DNAH14: variants seen among roughly 807,000 people sequenced by gnomAD.
DNAH14 encodes dynein axonemal heavy chain 14.
Under a neutral mutation model 520.9 loss-of-function variants are expected in DNAH14, and 478 were observed. The ratio of observed to expected loss-of-function variants is 0.92; its 90% CI spans 0.85 to 0.99. The LOEUF is 0.99. Among genes scored for constraint, DNAH14 ranks in the 50% least tolerant of loss-of-function variants. The pLI, the probability that DNAH14 is intolerant of heterozygous loss-of-function variation, is 0.00. For missense variants in DNAH14, 4,831 were observed against 5,234.5 expected (o/e 0.92, Z 2.38); for synonymous variants, 1,581 against 1,757.2 (o/e 0.90, Z 2.51).
At chr1:225,270,333 GA>G (rs2093278587) in intron 49 of DNAH14, among the ~76,000 whole-genome samples, 2 of 121,026 alleles carry the variant, frequency 1.7e-5, no homozygotes, top group Non-Finnish European at 3.4e-5. Flanking sequence ...GGGGTGGGGG[GA>G]GGGGGGAGGG....
At chr1:225,318,465 A>G (rs934745857) in intron 60 of DNAH14, 118 bp from the exon 61 acceptor site, 2 of 900,140 alleles carry the variant, frequency 2.2e-6, no homozygotes, top group Non-Finnish European at 1.6e-6. Context: ...TAAAAGATGC[A>G]TAACTTATGG....
chr1:225,145,163 C>T (rs1030010213), intron 29 of DNAH14, among the ~76,000 whole-genome samples, 163 bp from the exon 30 acceptor site: 1 of 152,094 alleles, frequency 6.6e-6, no homozygotes, highest in Non-Finnish European at 1.5e-5. Flanking sequence ...TACATTTATA[C>T]TATTATATTG....
chr1:225,349,929 A>G (rs1003934879), intron 71 of DNAH14, among the ~76,000 whole-genome samples: 1 of 152,190 alleles, frequency 6.6e-6, no homozygotes, highest in African/African-American at 2.4e-5. Flanking sequence ...GGACTTGCAC[A>G]ACACTATAGA....
chr1:225,366,832 T>C (rs1483063850), intron 76 of DNAH14, among the ~76,000 whole-genome samples: 1 of 151,952 alleles, frequency 6.6e-6, no homozygotes, highest in Non-Finnish European at 1.5e-5. Context: ...TTTGTTTACA[T>C]TCCAAAGCAA....
At chr1:225,129,350 G>A (rs549543591) in intron 27 of DNAH14, among the ~76,000 whole-genome samples, 12,255 of 151,486 alleles carry the variant, frequency 0.081, 1,546 homozygotes, top group African/African-American at 0.28. Flanking sequence ...AAAAGAGCCC[G>A]CATCACCAAG....
chr1:225,363,714 T>G (rs1366991326), intron 75 of DNAH14, among the ~76,000 whole-genome samples: 1 of 151,928 alleles, frequency 6.6e-6, no homozygotes, highest in Non-Finnish European at 1.5e-5. Flanking sequence ...GGTGCAGTAT[T>G]TGCCTATAAT....
chr1:225,252,547 G>A, intron 44 of DNAH14, 130 bp downstream of exon 44: 1 of 561,480 alleles, frequency 1.8e-6, no homozygotes, highest in Non-Finnish European at 3.1e-6. Flanking sequence ...ATATGTTTGT[G>A]TAGAGACCAG....
At chr1:225,006,129 A>T (rs2064150358) in intron 9 of DNAH14, among the ~76,000 whole-genome samples, 1 of 152,148 alleles carries the variant, frequency 6.6e-6, no homozygotes, top group Admixed American at 6.5e-5. Context: ...TGAAGATTTC[A>T]TGGGCATTTA....
intron 8 of DNAH14, among the ~76,000 whole-genome samples, chr1:224,999,428 C>T (rs546730449): frequency 6.6e-6 from 1 of 152,256 alleles, no homozygotes; most frequent in East Asian, 1.9e-4. Flanking sequence ...TGGTCTCGAA[C>T]TCCCAACCTC....
At chr1:225,011,749 C>A (rs1181739681) in intron 10 of DNAH14, among the ~76,000 whole-genome samples, 2 of 138,026 alleles carry the variant, frequency 1.4e-5, no homozygotes, top group African/African-American at 5.5e-5. Context: ...GCGAGGAATG[C>A]AACCTCTGCT....
At chr1:225,076,570 C>T (rs530493457) in intron 17 of DNAH14, among the ~76,000 whole-genome samples, 3 of 152,132 alleles carry the variant, frequency 2.0e-5, no homozygotes, top group South Asian at 4.1e-4. Context: ...ATCTGCAAAG[C>T]ACTTAAACAG....
intron 84 of DNAH14, among the ~76,000 whole-genome samples, chr1:225,394,568 C>G (rs537490854): frequency 6.6e-6 from 1 of 152,118 alleles, no homozygotes; most frequent in Non-Finnish European, 1.5e-5. Context: ...GAAGGCCAGG[C>G]ACGGTGGCTC....
chr1:225,366,230 T>C (rs2095551261), intron 76 of DNAH14, among the ~76,000 whole-genome samples: 1 of 152,120 alleles, frequency 6.6e-6, no homozygotes, highest in Non-Finnish European at 1.5e-5. Context: ...CAAGGTAATA[T>C]CAGGGAGATA....
chr1:225,258,205 G>T, intron 45 of DNAH14, 87 bp downstream of exon 45: 1 of 1,204,400 alleles, frequency 8.3e-7, no homozygotes. Context: ...TTTGTAAGTG[G>T]GAAAAAAATA....
intron 3 of DNAH14, among the ~76,000 whole-genome samples, chr1:224,956,092 A>T (rs2060492921): frequency 6.6e-6 from 1 of 151,694 alleles, no homozygotes. Context: ...ACTTATTTCC[A>T]TTTTTCCCCC....
At chr1:225,108,766 G>A (rs2076278150) in intron 23 of DNAH14, among the ~76,000 whole-genome samples, 2 of 152,046 alleles carry the variant, frequency 1.3e-5, no homozygotes, top group East Asian at 1.9e-4. Flanking sequence ...TGCTCATAAG[G>A]TACTACTCAA....
rs2095455545 is a variant in DNAH14, at chr1:225,358,364, C to G, written c.11620-132C>G. On this transcript the variant is annotated intron_variant, in intron 73 of 85. Coordinates refer to ENST00000682510, the MANE Select transcript of DNAH14 (RefSeq NM_001367479.1). ...TCCATGCATAGTCTGTCCCATTAAG[C>G]TTCCTCAACAGGAAAACTCTGGCTG... The G allele has an allele frequency of 6.3e-6, 5 of 795,296 alleles. No homozygotes were observed. In the Admixed American group the frequency reaches 1.3e-4, roughly 20 times the overall value. 49.3% of individuals were successfully genotyped at this position (795,296 alleles called of 1,614,324 possible).
At chr1:224,996,004 GA>G (rs1428512884) in intron 8 of DNAH14, among the ~76,000 whole-genome samples, 1 of 152,006 alleles carries the variant, frequency 6.6e-6, no homozygotes, top group Non-Finnish European at 1.5e-5. Flanking sequence ...GGATATTGCT[GA>G]ATTATTTGTC....
At chr1:225,374,561 T>C (rs960900418) in intron 77 of DNAH14, 127 bp from the exon 78 acceptor site, 2 of 903,486 alleles carry the variant, frequency 2.2e-6, no homozygotes, top group African/African-American at 1.7e-5. Flanking sequence ...GCACCTGGCC[T>C]ATTTCTATAT....
Sources: allele counts gnomAD v4.1 joint callset (sites outside exome capture counted in the v4.1 genomes callset), GRCh38; gene constraint gnomAD v4.1.1; transcripts MANE v1.5; gene names NCBI Gene and HGNC (gene_info 2026-07-23, HGNC 2026-07-21).